LRRC4C: variants seen among roughly 807,000 people sequenced by gnomAD.
The protein encoded by LRRC4C is leucine rich repeat containing 4C.
A neutral mutation model predicts 33.6 loss-of-function variants in LRRC4C; 5 were observed. The ratio of observed to expected loss-of-function variants is 0.15; its 90% CI spans 0.08 to 0.31. LRRC4C has a LOEUF of 0.31. LRRC4C is among the 10% of genes least tolerant of loss of function. LRRC4C has a pLI of 1.00. For missense variants in LRRC4C, 560 were observed against 796.7 expected (o/e 0.70, Z 3.58); for synonymous variants, 329 against 302.0 (o/e 1.09, Z -0.93).
At position 40,609,396 on chromosome 11, in the gene LRRC4C, G is replaced by A. The variant is rs993063992; in HGVS notation, c.-270+38746C>T. Among the ~76,000 whole-genome samples, 27 of 151,748 alleles carry A rather than the reference G, an allele frequency of 1.8e-4. No individual in the cohort carries two copies. The East Asian group carries it at 1.9e-3, about 11-fold the overall frequency. On this transcript the variant is annotated intron_variant, in intron 3 of 6. Transcript: ENST00000528697. Reference sequence around the variant, plus strand: ...GAAACCTAATATACCAAAACTTATCGGATACAACCAAAACAGTACCTAAAG... The same window carrying A: ...GAAACCTAATATACCAAAACTTATCAGATACAACCAAAACAGTACCTAAAG...
intron 2 of LRRC4C, among the ~76,000 whole-genome samples, chr11:40,930,635 A>G (rs902255461): frequency 6.6e-6 from 1 of 152,168 alleles, no homozygotes; most frequent in Admixed American, 6.6e-5. Flanking sequence ...ATTCTCTATA[A>G]GCCTTTATGG....
chr11:40,439,492 C>T (rs1279249546), intron 3 of LRRC4C, among the ~76,000 whole-genome samples: 7 of 145,638 alleles, frequency 4.8e-5, no homozygotes, highest in South Asian at 2.1e-4. Context: ...CTCATTCTGT[C>T]GCCCAGGCTG....
intron 1 of LRRC4C, among the ~76,000 whole-genome samples, chr11:41,109,817 C>G (rs190744514): frequency 1.3e-5 from 2 of 152,026 alleles, no homozygotes; most frequent in African/African-American, 2.4e-5. Flanking sequence ...CAAAGTAACC[C>G]TTTGATTAAT....
At chr11:40,661,894 A>G (rs1191376231) in intron 2 of LRRC4C, among the ~76,000 whole-genome samples, 2 of 152,294 alleles carry the variant, frequency 1.3e-5, no homozygotes, top group Non-Finnish European at 1.5e-5. Flanking sequence ...ATATAAGCAA[A>G]TCAGAACATC....
chr11:40,965,468 C>T (rs545512196), intron 1 of LRRC4C, among the ~76,000 whole-genome samples: 1 of 152,188 alleles, frequency 6.6e-6, no homozygotes, highest in East Asian at 1.9e-4. Flanking sequence ...AATGGTATTG[C>T]TTAGGTTTTC....
rs1555008817 is a variant in LRRC4C, at chr11:40,936,065, T to TATATATATATATATATAA, written c.-495-2343_-495-2342insTTATATATATATATATAT. Among the ~76,000 whole-genome samples, 10 of 75,826 alleles carry TATATATATATATATATAA rather than the reference T, an allele frequency of 1.3e-4. 1 individual carries two copies. Among genetic ancestry groups the TATATATATATATATATAA allele is most frequent in the Non-Finnish European group, 1.9e-4 (7 of 36,130 alleles). The allele number at this position is 75,826 out of a possible 152,430, so 49.7% of individuals were successfully genotyped here. On this transcript the variant is annotated intron_variant, in intron 1 of 6. Transcript: ENST00000528697. ...ATATATATATATATATATATATATA[T>TATATATATATATATATAA]AACATAGTTTGAACCTTAACTCTGT... is the stretch of plus-strand genomic sequence containing the variant.
chr11:41,004,275 C>T (rs1348366796), intron 1 of LRRC4C, among the ~76,000 whole-genome samples: 1 of 152,012 alleles, frequency 6.6e-6, no homozygotes, highest in Middle Eastern at 3.2e-3. Flanking sequence ...ATTTAATGGC[C>T]CCTGTATCTG....
At chr11:40,419,283 T>G (rs2137722272) in intron 3 of LRRC4C, among the ~76,000 whole-genome samples, 1 of 152,288 alleles carries the variant, frequency 6.6e-6, no homozygotes, top group East Asian at 1.9e-4. Context: ...CTCAAAATAC[T>G]GAGAAAATAA....
intron 2 of LRRC4C, among the ~76,000 whole-genome samples, chr11:40,743,537 A>G (rs1218583602): frequency 3.3e-5 from 5 of 152,096 alleles, no homozygotes; most frequent in African/African-American, 7.2e-5. Context: ...GGGTTGTAAG[A>G]TACAGGCTTA....
At chr11:40,554,663 T>C (rs1304901513) in intron 3 of LRRC4C, among the ~76,000 whole-genome samples, 1 of 152,086 alleles carries the variant, frequency 6.6e-6, no homozygotes, top group Non-Finnish European at 1.5e-5. Context: ...GCTCTCCTTG[T>C]AAAAATATTT....
At chr11:41,058,206 TC>T (rs35946950) in intron 1 of LRRC4C, among the ~76,000 whole-genome samples, 70,758 of 152,076 alleles carry the variant, frequency 0.47, 17,109 homozygotes, top group Middle Eastern at 0.55. Context: ...GGGCTGTGAC[TC>T]CCCCCTTTGG....
chr11:41,351,930 G>T (rs182724787), intron 1 of LRRC4C, among the ~76,000 whole-genome samples: 1 of 152,008 alleles, frequency 6.6e-6, no homozygotes, highest in Non-Finnish European at 1.5e-5. Context: ...AATACACTTC[G>T]GTACATAGAT....
At chr11:41,234,241 A>G (rs1033898544) in intron 1 of LRRC4C, among the ~76,000 whole-genome samples, 4 of 152,012 alleles carry the variant, frequency 2.6e-5, no homozygotes, top group Non-Finnish European at 4.4e-5. Flanking sequence ...TTTTTAATTG[A>G]CAAATGAAAT....
chr11:40,896,684 T>C (rs752418026), intron 2 of LRRC4C, among the ~76,000 whole-genome samples: 21 of 151,954 alleles, frequency 1.4e-4, no homozygotes, highest in Non-Finnish European at 2.1e-4. Flanking sequence ...TAATATATGC[T>C]ATATATGTAT....
intron 3 of LRRC4C, among the ~76,000 whole-genome samples, chr11:40,416,766 C>T (rs1950338229): frequency 6.6e-6 from 1 of 152,128 alleles, no homozygotes; most frequent in South Asian, 2.1e-4. Flanking sequence ...GGTTACATAG[C>T]CAGTGAATAA....
At position 41,076,768 on chromosome 11, in the gene LRRC4C, G is replaced by T. The variant is rs532691541; in HGVS notation, c.-495-143045C>A. 7.9e-5 allele frequency among the ~76,000 whole-genome samples: 12 copies of T among 152,166 alleles called. No individual in the cohort carries two copies. In the East Asian group the frequency reaches 1.7e-3, roughly 22 times the overall value. ...CATGCCTTTTCAGCAGTCCCCCAAGGTCTTAACTTATTCTGGTATTAACTC... is the reference window on the plus strand; with the variant it reads ...CATGCCTTTTCAGCAGTCCCCCAAGTTCTTAACTTATTCTGGTATTAACTC... On this transcript the variant is annotated intron_variant, in intron 1 of 6. Coordinates refer to ENST00000528697, the MANE Select transcript of LRRC4C (RefSeq NM_001258419.2).
chr11:40,399,185 A>G (rs1004562796), intron 3 of LRRC4C, among the ~76,000 whole-genome samples: 1 of 152,122 alleles, frequency 6.6e-6, no homozygotes, highest in Admixed American at 6.6e-5. Flanking sequence ...ATTACTGGGT[A>G]TATACCCAAA....
At chr11:40,782,470 A>T (rs1437144149) in intron 2 of LRRC4C, among the ~76,000 whole-genome samples, 1 of 151,162 alleles carries the variant, frequency 6.6e-6, no homozygotes, top group Non-Finnish European at 1.5e-5. Context: ...TAGGAACTAT[A>T]GCATCTTTAT....
chr11:41,017,429 A>C (rs890313967), intron 1 of LRRC4C, among the ~76,000 whole-genome samples: 1 of 152,188 alleles, frequency 6.6e-6, no homozygotes, highest in African/African-American at 2.4e-5. Flanking sequence ...ATGCTGAGAA[A>C]CTTCACACTT....
Sources: gnomAD v4.1 joint callset for allele counts (sites outside exome capture counted in the v4.1 genomes callset) on GRCh38, gnomAD v4.1.1 for gene constraint, MANE v1.5 for transcripts, NCBI Gene and HGNC (gene_info 2026-07-23, HGNC 2026-07-21) for gene names.